Variants in ROBO1 observed in about 807,000 individuals in gnomAD.
ROBO1 encodes roundabout guidance receptor 1, also known as roundabout homolog 1.
A neutral mutation model predicts 195.9 loss-of-function variants in ROBO1; 149 were observed. The ratio of observed to expected loss-of-function variants is 0.76; its 90% CI spans 0.67 to 0.87. The LOEUF is 0.87. Ranked by LOEUF, ROBO1 falls within the 40% of genes least tolerant of loss-of-function variation. The probability of loss-of-function intolerance (pLI) is 0.00; values close to 1 mark genes in which losing one functional copy is unlikely to be tolerated. For missense variants in ROBO1, 1,933 were observed against 2,068.3 expected, an observed-to-expected ratio of 0.93 and a Z score of 1.27; for synonymous variants, 816 against 733.2, an observed-to-expected ratio of 1.11 and a Z score of -1.82.
intron 3 of ROBO1, among the ~76,000 whole-genome samples, chr3:78,962,324 A>G (rs2107841157): frequency 6.6e-6 from 1 of 152,362 alleles, no homozygotes; most frequent in East Asian, 1.9e-4. Flanking sequence ...CAACAGTCTT[A>G]GAAGAGGGTC....
At chr3:79,514,573 T>G (rs1575950067) in intron 2 of ROBO1, among the ~76,000 whole-genome samples, 1 of 152,288 alleles carries the variant, frequency 6.6e-6, no homozygotes, top group South Asian at 2.1e-4. Context: ...TATATTAGGG[T>G]TTGAAGACTG....
intron 2 of ROBO1, among the ~76,000 whole-genome samples, chr3:79,173,420 C>G (rs1419627815): frequency 6.6e-6 from 1 of 151,996 alleles, no homozygotes; most frequent in African/African-American, 2.4e-5. Flanking sequence ...CTCGGCGGGC[C>G]CGCACTCCGA....
In ROBO1 at chr3:78,746,887, G is replaced by A; in HGVS notation, c.513C>T (p.Asp171=). 1 of 1,570,198 alleles carries A rather than the reference G, an allele frequency of 6.4e-7. No individual in the cohort carries two copies. The highest frequency in any genetic ancestry group is 1.3e-5 in the African/African-American group (1 of 74,254). ...ASLEVAILRD[D]FRQNPSDVMV... is the part of the protein sequence containing the mutation. ...TGACATCCGAAGGGTTTTGTCTGAA[G>A]TCATCCCGAAGTACTGTAGGAACAA... Residue 171 remains aspartate, a synonymous_variant, in exon 5 of 31, where the codon GAC becomes GAT. Transcript: ENST00000464233.
At chr3:79,390,250 T>G (rs1437303577) in intron 2 of ROBO1, among the ~76,000 whole-genome samples, 1 of 151,926 alleles carries the variant, frequency 6.6e-6, no homozygotes, top group Non-Finnish European at 1.5e-5. Context: ...GCCTATTTTA[T>G]ATTCCACTGA....
intron 25 of ROBO1, 69 bp downstream of exon 25, chr3:78,631,092 A>C (rs754705811): frequency 3.3e-6 from 5 of 1,503,354 alleles, no homozygotes; most frequent in Non-Finnish European, 4.5e-6. Context: ...CACCTAGTAT[A>C]ATAATTGCTG....
intron 4 of ROBO1, among the ~76,000 whole-genome samples, chr3:78,920,073 G>A (rs2038849918): frequency 6.6e-6 from 1 of 152,182 alleles, no homozygotes; most frequent in Non-Finnish European, 1.5e-5. Flanking sequence ...ATAGGAAAAT[G>A]TAAATTAAAA....
chr3:78,658,598 C>G (rs1192789797), intron 17 of ROBO1, among the ~76,000 whole-genome samples: 2 of 152,198 alleles, frequency 1.3e-5, no homozygotes, highest in Non-Finnish European at 2.9e-5. Flanking sequence ...CTCTATATTC[C>G]TTATGATGTT....
chr3:78,734,287 CTTTTGGAAAAGTATGCA>C (rs1268771896), intron 5 of ROBO1, among the ~76,000 whole-genome samples: 1 of 151,566 alleles, frequency 6.6e-6, no homozygotes, highest in Non-Finnish European at 1.5e-5. Context: ...GTGGAACTAA[CTTTTGGAAAAGTATGCA>C]AAACTGTTTT....
chr3:79,295,565 C>G (rs2032542212), intron 2 of ROBO1, among the ~76,000 whole-genome samples: 2 of 152,046 alleles, frequency 1.3e-5, no homozygotes, highest in Non-Finnish European at 2.9e-5. Flanking sequence ...CCTGCACATT[C>G]TGCACACGTA....
At chr3:79,416,192 A>G (rs2106897823) in intron 2 of ROBO1, among the ~76,000 whole-genome samples, 1 of 152,254 alleles carries the variant, frequency 6.6e-6, no homozygotes, top group Non-Finnish European at 1.5e-5. Context: ...TGGTAAATGC[A>G]TTTACAGAAG....
chr3:79,296,776 T>C (rs2032618107), intron 2 of ROBO1, among the ~76,000 whole-genome samples: 1 of 152,196 alleles, frequency 6.6e-6, no homozygotes, highest in Non-Finnish European at 1.5e-5. Flanking sequence ...AAACCCGTGA[T>C]AAGTGCAGAA....
At chr3:78,796,822 T>C (rs1229140174) in intron 4 of ROBO1, among the ~76,000 whole-genome samples, 1 of 152,212 alleles carries the variant, frequency 6.6e-6, no homozygotes, top group Non-Finnish European at 1.5e-5. Context: ...ATGAGTGTTC[T>C]GTCTAATGAA....
intron 3 of ROBO1, among the ~76,000 whole-genome samples, chr3:78,939,421 T>C (rs1329689996): frequency 6.7e-6 from 1 of 149,544 alleles, no homozygotes; most frequent in Non-Finnish European, 1.5e-5. Flanking sequence ...AAGACCATCC[T>C]GGCTAACAAG....
intron 4 of ROBO1, among the ~76,000 whole-genome samples, chr3:78,929,116 T>C (rs1163749205): frequency 1.3e-5 from 2 of 152,168 alleles, no homozygotes; most frequent in African/African-American, 2.4e-5. Context: ...TAAACTTTTA[T>C]TTCTCCTGAC....
intron 2 of ROBO1, among the ~76,000 whole-genome samples, chr3:79,328,219 T>C (rs969908218): frequency 6.6e-6 from 1 of 152,156 alleles, no homozygotes; most frequent in South Asian, 2.1e-4. Context: ...GGTTTTACTT[T>C]AAGTGCAAAT....
intron 5 of ROBO1, among the ~76,000 whole-genome samples, chr3:78,745,886 G>C (rs988453300): frequency 6.6e-6 from 1 of 152,152 alleles, no homozygotes; most frequent in Non-Finnish European, 1.5e-5. Flanking sequence ...AGGTTGTGCG[G>C]TCTACATTAT....
At chr3:79,058,074 AG>A (rs2078845557) in intron 3 of ROBO1, among the ~76,000 whole-genome samples, 1 of 151,990 alleles carries the variant, frequency 6.6e-6, no homozygotes. Context: ...GAAAAATGAA[AG>A]GGGGAGTAAT....
At chr3:79,727,427 A>G (rs1702970008) in intron 1 of ROBO1, among the ~76,000 whole-genome samples, 1 of 152,224 alleles carries the variant, frequency 6.6e-6, no homozygotes, top group Non-Finnish European at 1.5e-5. Context: ...GTTTTAATTT[A>G]AAAATAAACT....
In ROBO1 at chr3:79,326,847, A is replaced by T. The variant is rs1018845896; in HGVS notation, c.89-201308T>A. ...TATATGATCATACCTCTCAAGAATG[A>T]ATTCAACTAAATGAATATTATTTGT... On this transcript the variant is annotated intron_variant, in intron 2 of 30. Transcript: ENST00000464233. Among the ~76,000 whole-genome samples, 11 of 152,306 alleles carry T rather than the reference A, an allele frequency of 7.2e-5. 1 individual carries two copies. In the East Asian group the frequency reaches 2.1e-3, roughly 29 times the overall value.
Sources: gnomAD v4.1 joint callset for allele counts (sites outside exome capture counted in the v4.1 genomes callset) on GRCh38, gnomAD v4.1.1 for gene constraint, MANE v1.5 for transcripts, NCBI Gene and HGNC (gene_info 2026-07-23, HGNC 2026-07-21) for gene names.